Variants in FMO2 observed in about 807,000 individuals in gnomAD.
The protein encoded by FMO2 is flavin-containing monooxygenase 2.
In FMO2, 33 loss-of-function variants were observed where a neutral mutation model predicts 41.6. The observed-to-expected ratio is 0.79, with a 90% CI of 0.60 to 1.06. FMO2 has a LOEUF of 1.06. Among genes scored for constraint, FMO2 ranks in the 50% least tolerant of loss-of-function variants. The probability of loss-of-function intolerance (pLI) is 0.00; values close to 1 mark genes in which losing one functional copy is unlikely to be tolerated. For synonymous variants in FMO2, 214 were observed against 219.6 expected (o/e 0.97, Z 0.23); for missense variants, 619 against 632.9 (o/e 0.98, Z 0.23).
intron 3 of FMO2, among the ~76,000 whole-genome samples, chr1:171,195,026 T>C (rs188365938): frequency 6.6e-6 from 1 of 152,212 alleles, no homozygotes; most frequent in African/African-American, 2.4e-5. Flanking sequence ...ACTATCAATC[T>C]ACTTAACAAA....
intron 3 of FMO2, among the ~76,000 whole-genome samples, chr1:171,193,776 C>CT (rs35924251): frequency 0.13 from 16,521 of 126,462 alleles, 1,012 homozygotes; most frequent in African/African-American, 0.19. Flanking sequence ...GATGTCAAAA[C>CT]TTTTTTTTTT....
chr1:171,203,014 A>T (rs1015337028), intron 5 of FMO2, among the ~76,000 whole-genome samples: 62 of 152,290 alleles, frequency 4.1e-4, no homozygotes, highest in African/African-American at 1.5e-3. Flanking sequence ...ACTTGAAGAG[A>T]AAGAGAATCA....
rs1355605478 is a variant in FMO2, at chr1:171,196,705, G to A, written c.378G>A (p.Lys126=). ...ATTTCTCATCCTCTGGCCAATGGAA[G>A]GTTGTCACTCAGAGCAACGGCAAGG... ...CPDFSSSGQW[K]VVTQSNGKEQ... is the part of the protein sequence containing the mutation. Residue 126 remains lysine, a synonymous_variant, in exon 4 of 9, where the codon AAG becomes AAA. Coordinates refer to ENST00000209929, the MANE Select transcript of FMO2 (RefSeq NM_001460.5). 9.9e-6 allele frequency: 16 copies of A among 1,613,458 alleles called. No individual in the cohort carries two copies. The highest frequency in any genetic ancestry group is 1.4e-5 in the Non-Finnish European group (16 of 1,179,890).
At position 171,207,698 on chromosome 1, in the gene FMO2, A is replaced by G. The variant is rs1203504266; in HGVS notation, c.1184-20A>G. Reference sequence around the variant, plus strand: ...ATATTGACTCAAACTTACTATTCAAACCAACCTTTTATTCCTTAGGCTTGT... The same window carrying G: ...ATATTGACTCAAACTTACTATTCAAGCCAACCTTTTATTCCTTAGGCTTGT... On this transcript the variant is annotated intron_variant, in intron 7 of 8. Transcript: ENST00000209929. The G allele has an allele frequency of 1.3e-6, 2 of 1,555,576 alleles. No homozygotes were observed. Among genetic ancestry groups the G allele is most frequent in the Admixed American group, 3.5e-5 (2 of 56,370 alleles).
rs1000680585 is a variant in FMO2 at position 171,210,286 on chromosome 1, G to A, written c.*1141G>A. On this transcript the variant is annotated 3_prime_UTR_variant, in exon 9 of 9. Coordinates refer to ENST00000209929, the MANE Select transcript of FMO2 (RefSeq NM_001460.5). ...AATCTTTGACATTTTGGAAAAATAA[G>A]AATTGAGGAAAAAAAGTGTATCTTT... 1 of 152,012 alleles carries A rather than the reference G, an allele frequency of 6.6e-6. No individual in the cohort carries two copies. The highest frequency in any genetic ancestry group is 1.5e-5 in the Non-Finnish European group (1 of 67,988). The allele number at this position is 152,012 out of a possible 1,614,324, so 9.4% of individuals were successfully genotyped here.
intron 3 of FMO2, among the ~76,000 whole-genome samples, chr1:171,195,558 C>G (rs1336547861): frequency 6.6e-6 from 1 of 152,166 alleles, no homozygotes; most frequent in Non-Finnish European, 1.5e-5. Flanking sequence ...TACAAGATTT[C>G]TACTAATATT....
chr1:171,193,530 T>C lies in FMO2; in HGVS notation c.321+7T>C, dbSNP rs761142091. The C allele has an allele frequency of 3.2e-6, 5 of 1,572,686 alleles. No individual in the cohort carries two copies. Among genetic ancestry groups the C allele is most frequent in the Non-Finnish European group, 4.4e-6 (5 of 1,148,334 alleles). On this transcript the variant is annotated splice_region_variant and intron_variant, in intron 3 of 8. Coordinates refer to ENST00000209929, the MANE Select transcript of FMO2 (RefSeq NM_001460.5). Reference sequence around the variant, plus strand: ...AAAATATATTCAGTTCCAGGTATTGTATTTTTGGGGAAATGGGTTTCTCTG... The same window carrying C: ...AAAATATATTCAGTTCCAGGTATTGCATTTTTGGGGAAATGGGTTTCTCTG...
rs775461325 is a variant in FMO2, at chr1:171,208,835, T to C, written c.1298T>C (p.Val433Ala). Residue 433 changes from valine (V) to alanine (A), a missense_variant, in exon 9 of 9, where the codon GTT becomes GCT. Physicochemically the swap from Val to Ala is moderately conservative, Grantham distance 64. Coordinates refer to ENST00000209929, the MANE Select transcript of FMO2 (RefSeq NM_001460.5). Reference sequence around the variant, plus strand: ...AGCCAGACGTTGCAGACCAATTATGTTGACTACTTGGACGAGCTCGCCTTA... The same window carrying C: ...AGCCAGACGTTGCAGACCAATTATGCTGACTACTTGGACGAGCTCGCCTTA... ...SQSQTLQTNYVDYLDELALEI... is the reference protein window; with the variant it reads ...SQSQTLQTNYADYLDELALEI... The C allele has an allele frequency of 9.3e-6, 15 of 1,613,864 alleles. No individual in the cohort carries two copies. Among genetic ancestry groups the C allele is most frequent in the South Asian group, 6.6e-5 (6 of 91,086 alleles).
rs375986803 is a variant in FMO2, at chr1:171,196,752, C to T, written c.425C>T (p.Ala142Val). The change falls in exon 4 of 9, where the codon GCA becomes GTA. Residue 142 changes from alanine to valine, a missense_variant. Physicochemically the swap from Ala to Val is moderately conservative, Grantham distance 64 (BLOSUM62 0). Transcript: ENST00000209929. ...AAGGAGCAGAGTGCTGTCTTTGACG[C>T]AGTTATGGTTTGCAGTGGCCACCAC... ...NGKEQSAVFD[A>V]VMVCSGHHIL... 2.1e-5 allele frequency: 34 copies of T among 1,613,532 alleles called. No homozygotes were observed. Among genetic ancestry groups the T allele is most frequent in the Non-Finnish European group, 2.8e-5 (33 of 1,179,866 alleles).
intron 6 of FMO2, 76 bp downstream of exon 6, chr1:171,204,140 A>T (rs560681072): frequency 9.6e-6 from 10 of 1,038,054 alleles, no homozygotes; most frequent in South Asian, 7.9e-5. Context: ...CTTAACAAAG[A>T]TTCAAATTGC....
chr1:171,204,733 C>T (rs1658682738), intron 6 of FMO2, among the ~76,000 whole-genome samples: 1 of 151,972 alleles, frequency 6.6e-6, no homozygotes, highest in South Asian at 2.1e-4. Context: ...AAAAAATAAG[C>T]GGACTTTGCA....
intron 2 of FMO2, among the ~76,000 whole-genome samples, chr1:171,187,627 CAAAAAAA>C (rs765479366): frequency 1.6e-4 from 13 of 82,594 alleles, no homozygotes; most frequent in East Asian, 6.3e-4. Context: ...AACCTGCCAC[CAAAAAAA>C]AAAAAAAAAA....
chr1:171,203,327 A>T (rs1393178909), intron 5 of FMO2, among the ~76,000 whole-genome samples: 1 of 113,842 alleles, frequency 8.8e-6, no homozygotes, highest in Non-Finnish European at 1.8e-5. Flanking sequence ...CCTGTCTCAC[A>T]CACACACACA....
chr1:171,197,833 A>G (rs1410017104), intron 4 of FMO2, among the ~76,000 whole-genome samples: 1 of 152,212 alleles, frequency 6.6e-6, no homozygotes, highest in Non-Finnish European at 1.5e-5. Flanking sequence ...TCACCATACA[A>G]TGCCCTATGC....
rs577610542 is a variant in FMO2 at position 171,212,097 on chromosome 1, C to A, written c.*2952C>A. Among the ~76,000 whole-genome samples the A allele has an allele frequency of 5.3e-5, 8 of 152,324 alleles. No homozygotes were observed. The highest frequency in any genetic ancestry group is 1.9e-4 in the African/African-American group (8 of 41,580). On this transcript the variant is annotated 3_prime_UTR_variant, in exon 9 of 9. Coordinates refer to ENST00000209929, the MANE Select transcript of FMO2 (RefSeq NM_001460.5). ...CTGTAAAGAATGTCAATGGTTATCA[C>A]CTTCAATAGTTTCAATATGTCCCCC...
At chr1:171,203,293 C>A (rs1658609779) in intron 5 of FMO2, among the ~76,000 whole-genome samples, 1 of 150,640 alleles carries the variant, frequency 6.6e-6, no homozygotes, top group Non-Finnish European at 1.5e-5. Flanking sequence ...CAACTGCAGT[C>A]CAGCCTGAGT....
At chr1:171,194,993 G>A (rs573159061) in intron 3 of FMO2, among the ~76,000 whole-genome samples, 32 of 152,240 alleles carry the variant, frequency 2.1e-4, no homozygotes, top group African/African-American at 7.7e-4. Context: ...TATACCAGAA[G>A]GTTTTGTAAC....
chr1:171,205,942 G>T (rs1000669906), intron 7 of FMO2, among the ~76,000 whole-genome samples: 1 of 152,136 alleles, frequency 6.6e-6, no homozygotes, highest in Non-Finnish European at 1.5e-5. Context: ...TTAAGAAAAA[G>T]ATCTGTCTCC....
chr1:171,209,440 G>T lies in FMO2; in HGVS notation c.*295G>T. 1 of 254,584 alleles carries T rather than the reference G, an allele frequency of 3.9e-6. No individual in the cohort carries two copies. The allele number at this position is 254,584 out of a possible 1,614,324, so 15.8% of individuals were successfully genotyped here. On this transcript the variant is annotated 3_prime_UTR_variant, in exon 9 of 9. Coordinates refer to ENST00000209929, the MANE Select transcript of FMO2 (RefSeq NM_001460.5). ...GTGCTGCCAACCCTGATATAGGGGAGTTGTATGGAAAAATAGTAGAATTAC... is the reference window on the plus strand; with the variant it reads ...GTGCTGCCAACCCTGATATAGGGGATTTGTATGGAAAAATAGTAGAATTAC...
Sources: allele counts gnomAD v4.1 joint callset (sites outside exome capture counted in the v4.1 genomes callset), GRCh38; gene constraint gnomAD v4.1.1; transcripts MANE v1.5; gene names NCBI Gene and HGNC (gene_info 2026-07-23, HGNC 2026-07-21).